The following KDM3B variants were observed in gnomAD, a reference collection of about 807,000 sequenced individuals.
KDM3B encodes lysine demethylase 3B.
A neutral mutation model predicts 170.0 loss-of-function variants in KDM3B; 10 were observed. The ratio of observed to expected loss-of-function variants is 0.06; its 90% CI spans 0.04 to 0.10. KDM3B has a LOEUF of 0.10. KDM3B is among the 10% of genes least tolerant of loss of function. The pLI, the probability that KDM3B is intolerant of heterozygous loss-of-function variation, is 1.00. For synonymous variants in KDM3B, 831 were observed against 834.8 expected (o/e 1.00, Z 0.08); for missense variants, 1,394 against 2,195.2 (o/e 0.64, Z 7.29).
At chr5:138,383,556 G>T (rs1762177851) in intron 6 of KDM3B, among the ~76,000 whole-genome samples, 1 of 152,166 alleles carries the variant, frequency 6.6e-6, no homozygotes, top group East Asian at 1.9e-4. Flanking sequence ...AAGTTTTATA[G>T]TAACCCTTTT....
Position 138,392,374 on chromosome 5 carries a change from G to A in KDM3B, c.2629+113G>A, listed in dbSNP as rs941374742. 4 of 1,123,208 alleles carry A rather than the reference G, an allele frequency of 3.6e-6. No individual in the cohort carries two copies. In the African/African-American group the frequency reaches 6.2e-5, roughly 18 times the overall value. 69.6% of individuals were successfully genotyped at this position (1,123,208 alleles called of 1,614,324 possible). A position where few individuals can be genotyped will look rare whatever the true frequency, so the allele number is the denominator to read the frequency against. The stretch of plus-strand genomic sequence containing the variant: ...TGATGGAGAGTTCTGTAATCTCATA[G>A]AATTACAGAGCCAAGAGGACCTGGC... On this transcript the variant is annotated intron_variant, in intron 8 of 23. Transcript: ENST00000314358.
Position 138,391,858 on chromosome 5 carries a change from C to T in KDM3B, c.2226C>T (p.Ser742=). ...AGCCCATTGAGATGCCAACTCTCTC[C>T]TCTAGCCCCACAGAGGAGAGGCCAA... ...LTQPIEMPTL[S]SSPTEERPTV... Residue 742 remains serine (S), a synonymous_variant, in exon 8 of 24, where the codon TCC becomes TCT. Transcript: ENST00000314358. The surrounding 1 kb of genome is among the most constrained non-coding windows in gnomAD (Gnocchi z 5.0). 6.2e-7 allele frequency: 1 copy of T among 1,614,168 alleles called. No homozygotes were observed. Among genetic ancestry groups the T allele is most frequent in the Non-Finnish European group, 8.5e-7 (1 of 1,180,022 alleles).
At chr5:138,357,406 A>G (rs1761479255) in intron 1 of KDM3B, among the ~76,000 whole-genome samples, 1 of 151,254 alleles carries the variant, frequency 6.6e-6, no homozygotes, top group African/African-American at 2.4e-5. Context: ...TCTGTCACCC[A>G]AGCTGGAGTG....
chr5:138,398,603 A>G lies in KDM3B; in HGVS notation c.3046+211A>G, dbSNP rs576283539. 1.8e-3 allele frequency among the ~76,000 whole-genome samples: 268 copies of G among 152,142 alleles called. 2 individuals carry two copies. Among genetic ancestry groups the G allele is most frequent in the African/African-American group, 6.3e-3 (260 of 41,510 alleles). ...TCAGTCTTTGGCAATTAACAAACCA[A>G]ATACTCCTTCTCTGCTTGCCTTTGT... On this transcript the variant is annotated intron_variant, in intron 10 of 23. Transcript: ENST00000314358.
chr5:138,425,641 C>A, intron 17 of KDM3B, 59 bp downstream of exon 17: 2 of 1,349,602 alleles, frequency 1.5e-6, no homozygotes, highest in Non-Finnish European at 1.0e-6. Flanking sequence ...CATCTATACG[C>A]CCAGCTCTGC....
chr5:138,420,425 C>T (rs1763242578), intron 14 of KDM3B, among the ~76,000 whole-genome samples: 1 of 152,192 alleles, frequency 6.6e-6, no homozygotes, highest in Non-Finnish European at 1.5e-5. Context: ...ACACTTGAAA[C>T]ACTGTCTTAG....
At chr5:138,379,315 T>C (rs1342446979) in intron 4 of KDM3B, among the ~76,000 whole-genome samples, 1 of 152,140 alleles carries the variant, frequency 6.6e-6, no homozygotes, top group Non-Finnish European at 1.5e-5. Context: ...AACTGGAAGA[T>C]TGAGGCAAGG....
At chr5:138,435,543 AGTAG>A in intron 23 of KDM3B, 73 bp from the exon 24 acceptor site, 1 of 1,155,166 alleles carries the variant, frequency 8.7e-7, no homozygotes, top group African/African-American at 1.5e-5. Context: ...CCACTAAACC[AGTAG>A]GCTTACAGTC....
At chr5:138,360,888 G>T (rs141468803) in intron 1 of KDM3B, among the ~76,000 whole-genome samples, 1 of 152,118 alleles carries the variant, frequency 6.6e-6, no homozygotes, top group African/African-American at 2.4e-5. Context: ...CACCACGCCC[G>T]GCCATTAATT....
intron 7 of KDM3B, among the ~76,000 whole-genome samples, chr5:138,388,068 A>G (rs954404344): frequency 3.3e-5 from 5 of 151,962 alleles, no homozygotes; most frequent in Admixed American, 6.6e-5. Context: ...GCGACAGAGC[A>G]AGACTATGTC....
At position 138,420,844 on chromosome 5, in the gene KDM3B, A is replaced by G. The variant is rs1232663348; in HGVS notation, c.3854A>G (p.Asn1285Ser). Residue 1285 changes from asparagine (N) to serine (S), a missense_variant, in exon 15 of 24, where the codon AAC (asparagine) becomes AGC (serine). By Grantham distance (46) the Asn-to-Ser change is conservative. This residue lies in a region of KDM3B where 137 missense variants were observed against 166.9 expected (regional missense o/e 0.82). Transcript: ENST00000314358. Reference sequence around the variant, plus strand: ...CTGTTGCTGGGTCCCACTGCCTCCAACAACAAAACCGAAGGGTCTAGCCTT... The same window carrying G: ...CTGTTGCTGGGTCCCACTGCCTCCAGCAACAAAACCGAAGGGTCTAGCCTT... ...NSLLLGPTAS[N>S]NKTEGSSLRD... The G allele has an allele frequency of 1.2e-6, 2 of 1,614,094 alleles. No homozygotes were observed. Among genetic ancestry groups the G allele is most frequent in the African/African-American group, 1.3e-5 (1 of 74,998 alleles).
chr5:138,383,405 G>A (rs970503582), intron 6 of KDM3B, among the ~76,000 whole-genome samples: 23 of 140,324 alleles, frequency 1.6e-4, no homozygotes, highest in Admixed American at 4.3e-4. Flanking sequence ...CCAAAGTTCT[G>A]GGTTTACAGG....
intron 6 of KDM3B, 53 bp from the exon 7 acceptor site, chr5:138,385,969 G>C: frequency 6.5e-7 from 1 of 1,544,842 alleles, no homozygotes. Context: ...ATGGTGTGTG[G>C]TATTCACAGG....
chr5:138,427,153 A>T, intron 18 of KDM3B, 36 bp from the exon 19 acceptor site: 1 of 1,607,786 alleles, frequency 6.2e-7, no homozygotes, highest in Admixed American at 1.7e-5. Context: ...TTCTTCCCCT[A>T]TAACAAGCTA....
chr5:138,431,498 G>A lies in KDM3B; in HGVS notation c.5144G>A (p.Arg1715His), dbSNP rs757612933. The change falls in exon 23 of 24, where the codon CGC (arginine) becomes CAC (histidine). Residue 1715 changes from arginine (R) to histidine (H), a missense_variant. Arg to His is a conservative substitution (Grantham distance 29). This residue lies in a region of KDM3B where 79 missense variants were observed against 270.5 expected (regional missense o/e 0.29). Transcript: ENST00000314358. ...CCAGAACATGTAAAGCACTGTTTCC[G>A]CCTGACTCAGGAATTCAGGCATCTC... ...VSPEHVKHCF[R>H]LTQEFRHLSN... 14 of 1,612,162 alleles carry A rather than the reference G, an allele frequency of 8.7e-6. No homozygotes were observed. The highest frequency in any genetic ancestry group is 2.2e-5 in the East Asian group (1 of 44,832).
intron 13 of KDM3B, chr5:138,417,960 A>G (rs1181567136): frequency 1.7e-5 from 3 of 172,378 alleles, no homozygotes; most frequent in Admixed American, 5.8e-5. Context: ...GAGAAGATAC[A>G]TGGTCCCTAT....
intron 11 of KDM3B, among the ~76,000 whole-genome samples, chr5:138,411,642 T>C: frequency 6.6e-6 from 1 of 152,034 alleles, no homozygotes; most frequent in East Asian, 1.9e-4. Context: ...TAAAGAAATA[T>C]TTCTTAGATA....
chr5:138,363,708 G>A (rs1050416567), intron 1 of KDM3B, among the ~76,000 whole-genome samples: 4 of 151,518 alleles, frequency 2.6e-5, no homozygotes, highest in Admixed American at 6.6e-5. Context: ...CACCACACCC[G>A]GATAATTTTT....
chr5:138,427,924 A>G (rs2127003722), intron 19 of KDM3B, 43 bp from the exon 20 acceptor site: 1 of 1,592,642 alleles, frequency 6.3e-7, no homozygotes, highest in Non-Finnish European at 8.6e-7. Flanking sequence ...GGATTCTTCC[A>G]AATATTGGCC....
Sources: allele counts gnomAD v4.1 joint callset (sites outside exome capture counted in the v4.1 genomes callset), GRCh38; gene constraint gnomAD v4.1.1; regional missense constraint gnomAD v4.1.1; non-coding constraint Gnocchi (gnomAD v3.1); transcripts MANE v1.5; gene names NCBI Gene and HGNC (gene_info 2026-07-23, HGNC 2026-07-21).